AKNA: variants seen among roughly 807,000 people sequenced by gnomAD.
AKNA encodes microtubule organization protein AKNA.
In AKNA, 67 loss-of-function variants were observed where a neutral mutation model predicts 138.8. The observed-to-expected ratio is 0.48, with a 90% CI of 0.40 to 0.59. The LOEUF (loss-of-function observed/expected upper bound fraction) is 0.59, where lower values mean the gene tolerates loss of function less well. Among genes scored for constraint, AKNA ranks in the 20% least tolerant of loss-of-function variants. The probability of loss-of-function intolerance (pLI) is 0.00; values close to 1 mark genes in which losing one functional copy is unlikely to be tolerated. For missense variants in AKNA, 1,813 were observed against 1,880.4 expected (o/e 0.96, Z 0.66); for synonymous variants, 737 against 754.4 (o/e 0.98, Z 0.38).
intron 6 of AKNA, among the ~76,000 whole-genome samples, chr9:114,366,431 G>A (rs1832364642): frequency 6.6e-6 from 1 of 152,200 alleles, no homozygotes; most frequent in Admixed American, 6.5e-5. Context: ...CAATAGGCAA[G>A]CCTATAAAGA....
intron 1 of AKNA, among the ~76,000 whole-genome samples, chr9:114,382,255 T>C (rs1833737816): frequency 6.6e-6 from 1 of 152,008 alleles, no homozygotes; most frequent in Non-Finnish European, 1.5e-5. Context: ...CTGACCTCAC[T>C]GGGGTAAGAA....
At chr9:114,331,489 C>G (rs939148531), downstream of AKNA, 3 of 1,206,180 alleles carry the variant, frequency 2.5e-6, no homozygotes, top group Admixed American at 5.5e-5. Context: ...CCCGGACACA[C>G]CTAGGACTCC....
Position 114,381,047 on chromosome 9 carries a change from G to A in AKNA, c.274+13C>T. ...ACAGGACACCACTGTAGGGGGAGGG[G>A]TGTCAGTCTCACCTTCTCCCGAAGT... On this transcript the variant is annotated intron_variant, in intron 2 of 21. Coordinates refer to ENST00000374088, the MANE Select transcript of AKNA (RefSeq NM_001317950.2). 6.6e-7 allele frequency: 1 copy of A among 1,524,058 alleles called. No individual in the cohort carries two copies. The highest frequency in any genetic ancestry group is 8.8e-7 in the Non-Finnish European group (1 of 1,135,576). The allele number at this position is 1,524,058 out of a possible 1,614,324, so 94.4% of individuals were successfully genotyped here. A position where few individuals can be genotyped will look rare whatever the true frequency, so the allele number is the denominator to read the frequency against.
intron 15 of AKNA, among the ~76,000 whole-genome samples, chr9:114,349,462 AATCC>A (rs1830950223): frequency 1.3e-5 from 2 of 152,036 alleles, no homozygotes; most frequent in South Asian, 4.1e-4. Flanking sequence ...TTCCCAAATG[AATCC>A]CTTCTTCCCC....
In AKNA at chr9:114,337,298, G is replaced by C; in HGVS notation, c.4076C>G (p.Ala1359Gly). The C allele has an allele frequency of 6.7e-7, 1 of 1,498,620 alleles. No individual in the cohort carries two copies. Among genetic ancestry groups the C allele is most frequent in the Non-Finnish European group, 9.0e-7 (1 of 1,114,040 alleles). The allele number at this position is 1,498,620 out of a possible 1,614,324, so 92.8% of individuals were successfully genotyped here. A position where few individuals can be genotyped will look rare whatever the true frequency, so the allele number is the denominator to read the frequency against. The change falls in exon 22 of 22, where the codon GCG (alanine) becomes GGG (glycine). Residue 1359 changes from alanine to glycine, a missense_variant. Coordinates refer to ENST00000374088, the MANE Select transcript of AKNA (RefSeq NM_001317950.2). ...MPYPPAAVYY[A>G]PAGPTSAQPA... ...TTGGGCTGAGGTAGGTCCTGCAGGC[G>C]CATAGTACCTGAGGAGAGAAGTGAG...
At chr9:114,378,661 G>A (rs1222279408) in intron 2 of AKNA, among the ~76,000 whole-genome samples, 1 of 152,046 alleles carries the variant, frequency 6.6e-6, no homozygotes, top group African/African-American at 2.4e-5. Context: ...TACATAGTGG[G>A]TACTCAAGAA....
chr9:114,347,639 T>C, intron 16 of AKNA, 85 bp downstream of exon 16: 2 of 1,361,268 alleles, frequency 1.5e-6, no homozygotes, highest in Non-Finnish European at 1.9e-6. Context: ...CCTGAGTCCA[T>C]ATGTCTGGGG....
At chr9:114,394,196 A>G (rs951509840) in intron 1 of AKNA, among the ~76,000 whole-genome samples, 1 of 152,184 alleles carries the variant, frequency 6.6e-6, no homozygotes, top group African/African-American at 2.4e-5. Context: ...AAAGTTTACA[A>G]TCATTATCAC....
intron 9 of AKNA, among the ~76,000 whole-genome samples, 174 bp downstream of exon 9, chr9:114,361,530 T>G (rs945236534): frequency 6.6e-5 from 10 of 152,210 alleles, no homozygotes; most frequent in African/African-American, 2.4e-4. Flanking sequence ...ACTGAATCCC[T>G]ACCATGTGTC....
chr9:114,372,597 C>A (rs926990837), intron 4 of AKNA, among the ~76,000 whole-genome samples: 9 of 152,286 alleles, frequency 5.9e-5, no homozygotes, highest in African/African-American at 2.2e-4. Context: ...ACGCCTCCAG[C>A]CCCCGCCACT....
intron 1 of AKNA, among the ~76,000 whole-genome samples, chr9:114,386,593 G>C (rs914715279): frequency 6.6e-6 from 1 of 152,086 alleles, no homozygotes; most frequent in Non-Finnish European, 1.5e-5. Context: ...CAGGGTCCCC[G>C]CCATCCCTGG....
At position 114,346,693 on chromosome 9, in the gene AKNA, G is replaced by A. The variant is rs762037225; in HGVS notation, c.3490C>T (p.Arg1164Trp). Residue 1164 changes from arginine (R) to tryptophan (W), a missense_variant, in exon 17 of 22, where the codon CGG (arginine) becomes TGG (tryptophan). Transcript: ENST00000374088. Reference protein sequence around the residue: ...RQRARSSSVPREVLRLSLSSE... With the variant: ...RQRARSSSVPWEVLRLSLSSE... ...CTCAGGGACAGTCGGAGCACCTCCC[G>A]AGGCACTGAGGAAGACCTGGCTCGC... is the stretch of plus-strand genomic sequence containing the variant. The A allele has an allele frequency of 7.4e-6, 12 of 1,611,950 alleles. No individual in the cohort carries two copies. The highest frequency in any genetic ancestry group is 2.2e-5 in the East Asian group (1 of 44,690).
chr9:114,350,356 G>A (rs945662078), intron 15 of AKNA, among the ~76,000 whole-genome samples: 1 of 152,166 alleles, frequency 6.6e-6, no homozygotes, highest in African/African-American at 2.4e-5. Context: ...GCAAGGGTGT[G>A]TAAGTGATCA....
chr9:114,380,911 A>G (rs1293149088), intron 2 of AKNA, 149 bp downstream of exon 2: 2 of 851,576 alleles, frequency 2.3e-6, no homozygotes, highest in Non-Finnish European at 3.2e-6. Context: ...TGAACCCAGG[A>G]GGCAGAGGCT....
intron 16 of AKNA, 23 bp downstream of exon 16, chr9:114,347,701 G>A (rs935214481): frequency 6.6e-7 from 1 of 1,508,276 alleles, no homozygotes; most frequent in South Asian, 1.3e-5. Flanking sequence ...CAGGACAGAG[G>A]TGGGAGTTTT....
chr9:114,367,638 C>T lies in AKNA; in HGVS notation c.1633G>A (p.Gly545Arg). 1 of 1,603,030 alleles carries T rather than the reference C, an allele frequency of 6.2e-7. No individual in the cohort carries two copies. The highest frequency in any genetic ancestry group is 1.7e-5 in the Admixed American group (1 of 59,514). The change falls in exon 6 of 22, where the codon GGG becomes AGG. Residue 545 changes from glycine to arginine, a missense_variant. Transcript: ENST00000374088. Reference protein sequence around the residue: ...PSSLTSMPTLGWLPENRDISE... With the variant: ...PSSLTSMPTLRWLPENRDISE... Reference sequence around the variant, plus strand: ...ATGTCCCGGTTCTCCGGAAGCCACCCCAGGGTGGGCATGCTGGTAAGCGAG... The same window carrying T: ...ATGTCCCGGTTCTCCGGAAGCCACCTCAGGGTGGGCATGCTGGTAAGCGAG...
At chr9:114,364,419 T>G in intron 7 of AKNA, 141 bp downstream of exon 7, 1 of 809,930 alleles carries the variant, frequency 1.2e-6, no homozygotes, top group South Asian at 1.5e-5. Context: ...GGGAAGCTAC[T>G]CAGGAACTGT....
Position 114,361,760 on chromosome 9 carries a change from G to T in AKNA, c.2068C>A (p.Leu690Met). 2 of 1,613,808 alleles carry T rather than the reference G, an allele frequency of 1.2e-6. No homozygotes were observed. The highest frequency in any genetic ancestry group is 1.7e-6 in the Non-Finnish European group (2 of 1,180,028). ...GGGGCTTGTCCAGAAGGAGCAGGCAGGTGCGTTGGCTGATGGAGGCAGGGC... is the reference window on the plus strand; with the variant it reads ...GGGGCTTGTCCAGAAGGAGCAGGCATGTGCGTTGGCTGATGGAGGCAGGGC... ...ALPCLHQPTH[L>M]PAPSGQAPMP... Residue 690 changes from leucine (L) to methionine (M), a missense_variant, in exon 9 of 22, where the codon CTG (leucine) becomes ATG (methionine). By Grantham distance (15) the Leu-to-Met change is conservative (BLOSUM62 2). Coordinates refer to ENST00000374088, the MANE Select transcript of AKNA (RefSeq NM_001317950.2).
At chr9:114,358,593 T>C (rs1338434774) in intron 11 of AKNA, among the ~76,000 whole-genome samples, 3 of 151,734 alleles carry the variant, frequency 2.0e-5, no homozygotes, top group African/African-American at 7.3e-5. Flanking sequence ...CTGAATATTA[T>C]CATATACTAG....
Sources: gnomAD v4.1 joint callset for allele counts (sites outside exome capture counted in the v4.1 genomes callset) on GRCh38, gnomAD v4.1.1 for gene constraint, MANE v1.5 for transcripts, NCBI Gene and HGNC (gene_info 2026-07-23, HGNC 2026-07-21) for gene names.